Variants in GLIS3 observed in about 807,000 individuals in gnomAD.
GLIS3 encodes GLIS family zinc finger 3.
A neutral mutation model predicts 78.6 loss-of-function variants in GLIS3; 53 were observed. The ratio of observed to expected loss-of-function variants is 0.67; its 90% confidence interval spans 0.54 to 0.85. The LOEUF (loss-of-function observed/expected upper bound fraction) is 0.85. Ranked by LOEUF, GLIS3 falls within the 40% of genes least tolerant of loss-of-function variation. The probability of loss-of-function intolerance (pLI) is 0.00; values close to 1 mark genes in which losing one functional copy is unlikely to be tolerated. For synonymous variants in GLIS3, 684 were observed against 509.9 expected, an observed-to-expected ratio of 1.34 and a Z score of -4.60; for missense variants, 1,703 against 1,231.1, an observed-to-expected ratio of 1.38 and a Z score of -5.74.
chr9:3,941,341 C>T (rs908716991), intron 4 of GLIS3, among the ~76,000 whole-genome samples: 1 of 151,908 alleles, frequency 6.6e-6, no homozygotes, highest in African/African-American at 2.4e-5. Flanking sequence ...TCTTTAAATT[C>T]CCAACTTTTT....
the GLIS3 span, among the ~76,000 whole-genome samples, chr9:4,450,555 C>T: frequency 1.3e-5 from 2 of 151,988 alleles, no homozygotes; most frequent in Non-Finnish European, 2.9e-5. Context: ...GTCAGATTCA[C>T]CAAGGTTAAA....
At chr9:4,136,308 A>G (rs975688712) in intron 2 of GLIS3, among the ~76,000 whole-genome samples, 10 of 152,210 alleles carry the variant, frequency 6.6e-5, no homozygotes, top group Admixed American at 3.9e-4. Context: ...ATCCCTTTGT[A>G]CTAGGTAATT....
chr9:3,911,364 C>G (rs148644609), intron 6 of GLIS3, among the ~76,000 whole-genome samples: 25 of 152,306 alleles, frequency 1.6e-4, no homozygotes, highest in Middle Eastern at 3.4e-3. Flanking sequence ...CTTTCTAAAG[C>G]TGCATTGCTG....
chr9:4,322,557 G>A (rs969528451), intron 2 of GLIS3, among the ~76,000 whole-genome samples: 4 of 151,934 alleles, frequency 2.6e-5, no homozygotes, highest in East Asian at 1.9e-4. Context: ...TTTTGTTGTT[G>A]CCTCTCCAGA....
chr9:4,128,894 C>G (rs919030606), intron 2 of GLIS3, among the ~76,000 whole-genome samples: 1 of 152,222 alleles, frequency 6.6e-6, no homozygotes, highest in Non-Finnish European at 1.5e-5. Context: ...ACACTTTACA[C>G]TCAAGTGTAA....
chr9:4,378,775 G>C, the GLIS3 span, among the ~76,000 whole-genome samples: 1 of 152,154 alleles, frequency 6.6e-6, no homozygotes, highest in African/African-American at 2.4e-5. Flanking sequence ...AAACTTCCCT[G>C]AGAGCAATAA....
At chr9:4,209,558 T>A (rs1167549978) in intron 2 of GLIS3, among the ~76,000 whole-genome samples, 1 of 152,216 alleles carries the variant, frequency 6.6e-6, no homozygotes, top group Admixed American at 6.5e-5. Context: ...GTGCCTGCCA[T>A]CCTCTTGGAC....
chr9:4,474,767 G>C, the GLIS3 span, among the ~76,000 whole-genome samples: 1 of 149,416 alleles, frequency 6.7e-6, no homozygotes, highest in Non-Finnish European at 1.5e-5. Flanking sequence ...CATGAACATG[G>C]CTCACTGCAG....
the GLIS3 span, among the ~76,000 whole-genome samples, chr9:4,367,430 C>G: frequency 1.9e-4 from 29 of 152,196 alleles, no homozygotes; most frequent in African/African-American, 6.5e-4. Flanking sequence ...ATCCCCTAAA[C>G]TAGGTCTTCC....
chr9:4,489,454 A>AG, the GLIS3 span, among the ~76,000 whole-genome samples: 3 of 152,236 alleles, frequency 2.0e-5, no homozygotes, highest in Non-Finnish European at 2.9e-5. Flanking sequence ...AAAGGGTTCC[A>AG]GGCTCACTTA....
chr9:3,952,693 T>C (rs775182387), intron 4 of GLIS3, among the ~76,000 whole-genome samples: 2 of 152,208 alleles, frequency 1.3e-5, no homozygotes, highest in African/African-American at 2.4e-5. Flanking sequence ...GTAATTTTTG[T>C]ATGGAAACAA....
At chr9:4,412,290 T>C in the GLIS3 span, among the ~76,000 whole-genome samples, 2 of 152,212 alleles carry the variant, frequency 1.3e-5, no homozygotes, top group Non-Finnish European at 2.9e-5. Flanking sequence ...TGGGGGTGTC[T>C]ACAAATGGGT....
chr9:4,307,368 ACGCTAC>A (rs1817253440), intron 4 of GLIS3, among the ~76,000 whole-genome samples: 1 of 152,156 alleles, frequency 6.6e-6, no homozygotes, highest in Admixed American at 6.5e-5. Flanking sequence ...TGTTTATACG[ACGCTAC>A]CGTGATACTG....
exon 4 of GLIS3, chr9:4,308,932 G>T (rs773054682): frequency 6.6e-6 from 1 of 152,186 alleles, no homozygotes; most frequent in African/African-American, 2.4e-5. Context: ...AGCAACTTTA[G>T]GGTAGTCACT....
chr9:3,868,303 C>G (rs776245474), intron 8 of GLIS3, among the ~76,000 whole-genome samples: 4 of 152,252 alleles, frequency 2.6e-5, no homozygotes, highest in Non-Finnish European at 5.9e-5. Flanking sequence ...CAAGTGAGAC[C>G]AAGTTATTGC....
At chr9:4,357,701 A>T in the GLIS3 span, among the ~76,000 whole-genome samples, 1 of 152,152 alleles carries the variant, frequency 6.6e-6, no homozygotes, top group African/African-American at 2.4e-5. Flanking sequence ...AGGTATCAAA[A>T]TTTACATTGA....
chr9:4,118,840 C>CTCAAGG lies in GLIS3; in HGVS notation c.632_637dup (p.Thr211_Leu212dup), dbSNP rs1193161529. 2 of 1,604,762 alleles carry CTCAAGG rather than the reference C, an allele frequency of 1.2e-6. No individual in the cohort carries two copies. Among genetic ancestry groups the CTCAAGG allele is most frequent in the Non-Finnish European group, 1.7e-6 (2 of 1,179,968 alleles). ...TGAGGCCGACTGACTTTCCGTCAGACTCAAGGTCGTGGACGCCAAAGACTC... is the reference window on the plus strand; with the variant it reads ...TGAGGCCGACTGACTTTCCGTCAGACTCAAGGTCAAGGTCGTGGACGCCAAAGACTC... On this transcript the variant is annotated inframe_insertion, in exon 4 of 11. Coordinates refer to ENST00000381971, the MANE Select transcript of GLIS3 (RefSeq NM_001042413.2). This position sits in a 1 kb window ranked among gnomAD's most constrained non-coding sequence, Gnocchi z 4.7.
At chr9:4,353,306 T>C (rs553083931), upstream of GLIS3, among the ~76,000 whole-genome samples, 25 of 152,284 alleles carry the variant, frequency 1.6e-4, no homozygotes, top group African/African-American at 5.8e-4. Context: ...ACTGTCTTTT[T>C]TGTGCATGAA....
intron 4 of GLIS3, among the ~76,000 whole-genome samples, chr9:4,026,287 C>G (rs1447458787): frequency 6.6e-6 from 1 of 152,164 alleles, no homozygotes; most frequent in African/African-American, 2.4e-5. Flanking sequence ...TCTCAATCAT[C>G]AAGTCATATA....
Sources: allele counts gnomAD v4.1 joint callset (sites outside exome capture counted in the v4.1 genomes callset), GRCh38; gene constraint gnomAD v4.1.1; non-coding constraint Gnocchi (gnomAD v3.1); transcripts MANE v1.5; gene names NCBI Gene and HGNC (gene_info 2026-07-23, HGNC 2026-07-21).